NDST4: variants seen among roughly 807,000 people sequenced by gnomAD.
The protein encoded by NDST4 is N-deacetylase and N-sulfotransferase 4.
A neutral mutation model predicts 100.8 loss-of-function variants in NDST4; 63 were observed. The observed-to-expected ratio is 0.62, with a 90% confidence interval of 0.51 to 0.77. NDST4 has a LOEUF of 0.77. Among genes scored for constraint, NDST4 ranks in the 30% least tolerant of loss-of-function variants. The pLI is 0.00. For missense variants in NDST4, 943 were observed against 1,018.4 expected, an observed-to-expected ratio of 0.93 and a Z score of 1.01; for synonymous variants, 377 against 361.8, an observed-to-expected ratio of 1.04 and a Z score of -0.48.
chr4:115,028,273 C>T (rs1015591462), intron 2 of NDST4, among the ~76,000 whole-genome samples: 1 of 151,972 alleles, frequency 6.6e-6, no homozygotes, highest in East Asian at 1.9e-4. Flanking sequence ...TATCAATTTG[C>T]TATCAAATAA....
chr4:115,090,547 A>AT (rs555187848), intron 1 of NDST4, among the ~76,000 whole-genome samples: 14 of 151,900 alleles, frequency 9.2e-5, no homozygotes, highest in Admixed American at 2.0e-4. Flanking sequence ...TATATTTGAT[A>AT]TTTTTTTCTA....
chr4:114,916,572 GTGTGTGTGTGTT>G lies in NDST4; in HGVS notation c.1536+18622_1536+18633del, dbSNP rs1725173809. Among the ~76,000 whole-genome samples the G allele has an allele frequency of 2.7e-5, 4 of 148,646 alleles. No individual in the cohort carries two copies. The South Asian group carries it at 8.4e-4, about 31-fold the overall frequency. ...TGTGTGTGTGTGTGTGTGTGTGTGT[GTGTGTGTGTGTT>G]TGTGTGTATGTGTGTGTGTGTGGCA... On this transcript the variant is annotated intron_variant, in intron 6 of 13. Coordinates refer to ENST00000264363, the MANE Select transcript of NDST4 (RefSeq NM_022569.3).
At chr4:115,018,125 C>T (rs1190717117) in intron 2 of NDST4, among the ~76,000 whole-genome samples, 5 of 151,406 alleles carry the variant, frequency 3.3e-5, no homozygotes, top group African/African-American at 4.8e-5. Flanking sequence ...CTACTGCAGC[C>T]AAAATATTTT....
intron 9 of NDST4, among the ~76,000 whole-genome samples, chr4:114,847,584 G>GA (rs1461720266): frequency 2.0e-5 from 3 of 152,010 alleles, no homozygotes; most frequent in Non-Finnish European, 2.9e-5. Flanking sequence ...AATAGAGCTA[G>GA]AAAAAATCAC....
intron 10 of NDST4, among the ~76,000 whole-genome samples, chr4:114,843,211 C>T (rs1432502191): frequency 1.3e-5 from 2 of 152,116 alleles, no homozygotes; most frequent in Admixed American, 1.3e-4. Flanking sequence ...ATTTTTGAAA[C>T]ACTTACAGGA....
intron 6 of NDST4, among the ~76,000 whole-genome samples, chr4:114,880,805 A>G (rs1724351191): frequency 6.6e-6 from 1 of 152,180 alleles, no homozygotes; most frequent in Non-Finnish European, 1.5e-5. Flanking sequence ...AATATCACAC[A>G]GCTGCTTGGG....
chr4:114,951,219 A>T (rs1725982972), intron 4 of NDST4, among the ~76,000 whole-genome samples: 1 of 151,898 alleles, frequency 6.6e-6, no homozygotes, highest in Admixed American at 6.6e-5. Context: ...ACTTTAATTA[A>T]TTTTTTCACT....
chr4:115,003,773 C>T (rs1245193838), intron 2 of NDST4, among the ~76,000 whole-genome samples: 1 of 151,570 alleles, frequency 6.6e-6, no homozygotes, highest in Non-Finnish European at 1.5e-5. Context: ...GAGGCTGAGG[C>T]AGGAGAATTG....
At chr4:114,892,712 T>A (rs773501925) in intron 6 of NDST4, among the ~76,000 whole-genome samples, 6 of 151,972 alleles carry the variant, frequency 3.9e-5, no homozygotes, top group South Asian at 2.1e-4. Context: ...TGTGTCTCTA[T>A]CTACTTCCTA....
intron 4 of NDST4, among the ~76,000 whole-genome samples, chr4:114,945,389 C>A (rs192085959): frequency 1.3e-5 from 2 of 151,996 alleles, no homozygotes; most frequent in Non-Finnish European, 2.9e-5. Context: ...ATTTTTATGA[C>A]CCTATGTTTG....
intron 2 of NDST4, among the ~76,000 whole-genome samples, chr4:115,063,232 G>T (rs1217008871): frequency 1.3e-5 from 2 of 151,872 alleles, no homozygotes; most frequent in East Asian, 3.9e-4. Context: ...AAAGACATCA[G>T]AAGACTATTT....
intron 6 of NDST4, among the ~76,000 whole-genome samples, chr4:114,874,741 G>C (rs1724223178): frequency 6.6e-6 from 1 of 152,124 alleles, no homozygotes; most frequent in African/African-American, 2.4e-5. Context: ...AATTAAAAAT[G>C]GATGTTGTTG....
chr4:114,979,394 G>GT (rs1726714872), intron 2 of NDST4, among the ~76,000 whole-genome samples: 1 of 147,494 alleles, frequency 6.8e-6, no homozygotes. Flanking sequence ...TCATGTTACT[G>GT]GTTTTTTTTT....
chr4:115,084,377 A>T (rs1173883785), intron 1 of NDST4, among the ~76,000 whole-genome samples: 1 of 152,144 alleles, frequency 6.6e-6, no homozygotes, highest in Non-Finnish European at 1.5e-5. Context: ...GAAAAGAAAA[A>T]CCCATATTCT....
rs562470506 is a variant in NDST4, at chr4:114,833,727, G to A, written c.2287-12C>T. 4.5e-6 allele frequency: 7 copies of A among 1,559,008 alleles called. No individual in the cohort carries two copies. In the South Asian group the frequency reaches 8.0e-5, roughly 18 times the overall value. On this transcript the variant is annotated splice_polypyrimidine_tract_variant and intron_variant, in intron 11 of 13. Coordinates refer to ENST00000264363, the MANE Select transcript of NDST4 (RefSeq NM_022569.3). ...TCAATAATTAGCAACTGTAAAGTCA[G>A]AAATAGTCACTTTATGAAGAAAAAA...
rs190876851 is a variant in NDST4 at position 115,088,362 on chromosome 4, C to T, written c.-246-11080G>A. Among the ~76,000 whole-genome samples, 40 of 151,458 alleles carry T rather than the reference C, an allele frequency of 2.6e-4. No individual in the cohort carries two copies. In the East Asian group the frequency reaches 6.2e-3, roughly 24 times the overall value. ...TCCACCTATTTTCTAGAACTTCAGCCTCTCTCTTCTAGGGACTTTAAAAAA... is the reference window on the plus strand; with the variant it reads ...TCCACCTATTTTCTAGAACTTCAGCTTCTCTCTTCTAGGGACTTTAAAAAA... On this transcript the variant is annotated intron_variant, in intron 1 of 13. Transcript: ENST00000264363.
chr4:115,091,226 C>T (rs535618333), intron 1 of NDST4, among the ~76,000 whole-genome samples: 38 of 152,046 alleles, frequency 2.5e-4, no homozygotes, highest in East Asian at 1.9e-3. Context: ...CAATAATATG[C>T]ATTTGTTTTG....
At chr4:114,894,890 T>C (rs1422700810) in intron 6 of NDST4, among the ~76,000 whole-genome samples, 1 of 152,128 alleles carries the variant, frequency 6.6e-6, no homozygotes, top group African/African-American at 2.4e-5. Context: ...TCATAAACAG[T>C]GCTTATTATT....
At chr4:114,950,949 T>C (rs897028291) in intron 4 of NDST4, among the ~76,000 whole-genome samples, 5 of 152,042 alleles carry the variant, frequency 3.3e-5, no homozygotes, top group African/African-American at 9.7e-5. Flanking sequence ...GTCTCGATCA[T>C]TTTTGCATCC....
Sources: allele counts gnomAD v4.1 joint callset (sites outside exome capture counted in the v4.1 genomes callset), GRCh38; gene constraint gnomAD v4.1.1; transcripts MANE v1.5; gene names NCBI Gene and HGNC (gene_info 2026-07-23, HGNC 2026-07-21).